TACR3: variants seen among roughly 807,000 people sequenced by gnomAD.
TACR3 encodes the protein neuromedin-K receptor.
A neutral mutation model predicts 35.0 loss-of-function variants in TACR3; 34 were observed. That is an observed-to-expected ratio of 0.97 (90% CI 0.74 to 1.30). The LOEUF (loss-of-function observed/expected upper bound fraction) is 1.30, where lower values mean the gene tolerates loss of function less well. TACR3 is among the 50% of genes most tolerant of loss of function. The pLI, the probability that TACR3 is intolerant of heterozygous loss-of-function variation, is 0.00. For missense variants in TACR3, 558 were observed against 591.7 expected, an observed-to-expected ratio of 0.94 and a Z score of 0.59; for synonymous variants, 233 against 221.1, an observed-to-expected ratio of 1.05 and a Z score of -0.48.
Position 103,719,789 on chromosome 4 carries a change from A to G in TACR3, c.-114T>C, listed in dbSNP as rs1723175106. ...CACTTTGGTGCCGGAGTCTTCAGAT[A>G]AGACTGGAAGCTGAAAGATACTGCA... On this transcript the variant is annotated 5_prime_UTR_variant, in exon 1 of 5. Coordinates refer to ENST00000304883, the MANE Select transcript of TACR3 (RefSeq NM_001059.3). 4.4e-6 allele frequency: 6 copies of G among 1,351,006 alleles called. No individual in the cohort carries two copies. Among genetic ancestry groups the G allele is most frequent in the Middle Eastern group, 1.9e-4 (1 of 5,216 alleles). The allele number at this position is 1,351,006 out of a possible 1,614,324, so 83.7% of individuals were successfully genotyped here.
chr4:103,639,258 C>A (rs1433584229), intron 3 of TACR3, among the ~76,000 whole-genome samples: 1 of 114,716 alleles, frequency 8.7e-6, no homozygotes, highest in Non-Finnish European at 1.7e-5. Flanking sequence ...TACTATGCAG[C>A]CATAAAAAAA....
intron 3 of TACR3, among the ~76,000 whole-genome samples, chr4:103,604,877 T>C (rs1422663615): frequency 2.0e-5 from 3 of 151,362 alleles, no homozygotes; most frequent in Non-Finnish European, 2.9e-5. Flanking sequence ...ATGTGCACAT[T>C]GTGCAGGTTA....
intron 3 of TACR3, among the ~76,000 whole-genome samples, chr4:103,629,644 C>T: frequency 6.6e-6 from 1 of 151,828 alleles, no homozygotes; most frequent in Non-Finnish European, 1.5e-5. Flanking sequence ...TAAAAGAGTA[C>T]ACAAACAAAT....
At chr4:103,699,436 G>C (rs1480497753) in intron 1 of TACR3, among the ~76,000 whole-genome samples, 3 of 152,112 alleles carry the variant, frequency 2.0e-5, no homozygotes, top group Admixed American at 6.5e-5. Flanking sequence ...TCAGTGTAAG[G>C]ACTTCAGTTT....
chr4:103,641,395 G>C (rs989617898), intron 3 of TACR3, among the ~76,000 whole-genome samples: 2 of 151,912 alleles, frequency 1.3e-5, no homozygotes, highest in East Asian at 3.9e-4. Flanking sequence ...TACTAATCAT[G>C]AGGGAAATTC....
intron 3 of TACR3, among the ~76,000 whole-genome samples, chr4:103,650,331 A>C (rs1725561351): frequency 6.6e-6 from 1 of 150,934 alleles, no homozygotes; most frequent in Admixed American, 6.7e-5. Context: ...AGCCTGTTTT[A>C]ATCACCATCT....
intron 3 of TACR3, among the ~76,000 whole-genome samples, chr4:103,613,665 G>A (rs1459231113): frequency 6.6e-6 from 1 of 152,144 alleles, no homozygotes; most frequent in Non-Finnish European, 1.5e-5. Flanking sequence ...AATGAAAATT[G>A]TCTTAGCTTA....
chr4:103,627,268 C>A (rs554520642), intron 3 of TACR3, among the ~76,000 whole-genome samples: 1 of 140,570 alleles, frequency 7.1e-6, no homozygotes, highest in East Asian at 2.1e-4. Flanking sequence ...GTAATCCCAG[C>A]ACTTTGAGAA....
chr4:103,635,922 G>C (rs561114766), intron 3 of TACR3, among the ~76,000 whole-genome samples: 1 of 151,800 alleles, frequency 6.6e-6, no homozygotes, highest in South Asian at 2.1e-4. Context: ...CCTTTCTTTT[G>C]CTTTGTATCA....
At chr4:103,609,450 T>G (rs780767315) in intron 3 of TACR3, among the ~76,000 whole-genome samples, 3 of 152,062 alleles carry the variant, frequency 2.0e-5, no homozygotes, top group Admixed American at 6.6e-5. Context: ...AAAAGTACAT[T>G]TGGTCTTTTA....
chr4:103,719,475 G>T lies in TACR3; in HGVS notation c.201C>A (p.Pro67=). 6.2e-7 allele frequency: 1 copy of T among 1,613,466 alleles called. No homozygotes were observed. The highest frequency in any genetic ancestry group is 2.2e-5 in the East Asian group (1 of 44,864). ...TGGTGAGGTTGGCCCAGGGCTGGGA[G>T]GGCGCGGGGGAAGCCACAGGCAGTC... ...ALGLPVASPA[P]SQPWANLTNQ... The change falls in exon 1 of 5, where the codon CCC becomes CCA. Residue 67 remains proline, a synonymous_variant. Coordinates refer to ENST00000304883, the MANE Select transcript of TACR3 (RefSeq NM_001059.3).
At chr4:103,599,877 T>G (rs1191148884) in intron 3 of TACR3, among the ~76,000 whole-genome samples, 1 of 152,196 alleles carries the variant, frequency 6.6e-6, no homozygotes, top group Non-Finnish European at 1.5e-5. Context: ...TTGAGGATTT[T>G]TGCATCAATG....
At chr4:103,646,913 G>A (rs550053006) in intron 3 of TACR3, among the ~76,000 whole-genome samples, 66 of 151,918 alleles carry the variant, frequency 4.3e-4, no homozygotes, top group Non-Finnish European at 4.4e-4. Flanking sequence ...TTAGGGAACA[G>A]TATGATATAG....
rs752041544 is a variant in TACR3 at position 103,656,273 on chromosome 4, A to G, written c.809T>C (p.Val270Ala). Residue 270 changes from valine to alanine, a missense_variant, in exon 3 of 5, where the codon GTT becomes GCT. Val to Ala is a moderately conservative substitution (Grantham distance 64). Transcript: ENST00000304883. ...LLIMGITYTIVGITLWGGEIP... is the reference protein window; with the variant it reads ...LLIMGITYTIAGITLWGGEIP... ...TTCTCCTCCCCAGAGAGTAATTCCA[A>G]CAATGGTGTATGTAATACCCATGAT... 5.6e-6 allele frequency: 9 copies of G among 1,613,072 alleles called. No individual in the cohort carries two copies. The highest frequency in any genetic ancestry group is 1.3e-5 in the African/African-American group (1 of 74,976).
intron 3 of TACR3, among the ~76,000 whole-genome samples, chr4:103,627,352 T>TAAAAAAAAA (rs869215834): frequency 3.6e-5 from 3 of 82,454 alleles, no homozygotes; most frequent in African/African-American, 1.4e-4. Context: ...GTGTTTCCAT[T>TAAAAAAAAA]AAAAAAAAAA....
At chr4:103,706,542 CA>C (rs900831871) in intron 1 of TACR3, among the ~76,000 whole-genome samples, 1 of 150,384 alleles carries the variant, frequency 6.6e-6, no homozygotes, top group Non-Finnish European at 1.5e-5. Flanking sequence ...CATATATACA[CA>C]GATATATATA....
chr4:103,693,574 C>A (rs1302646684), intron 1 of TACR3, among the ~76,000 whole-genome samples: 3 of 151,882 alleles, frequency 2.0e-5, no homozygotes, highest in Non-Finnish European at 2.9e-5. Flanking sequence ...TCTATGTAAC[C>A]ATTTTATTTT....
chr4:103,664,166 T>G (rs535246177), intron 1 of TACR3, among the ~76,000 whole-genome samples: 6 of 152,316 alleles, frequency 3.9e-5, no homozygotes, highest in African/African-American at 1.4e-4. Flanking sequence ...AAACTAATAG[T>G]TTTAAAGCCA....
intron 3 of TACR3, among the ~76,000 whole-genome samples, chr4:103,629,227 CACAAG>C (rs1296988736): frequency 2.0e-5 from 3 of 152,102 alleles, no homozygotes; most frequent in African/African-American, 7.2e-5. Flanking sequence ...TGAAAACTGG[CACAAG>C]ACAAGGATGC....
Sources: gnomAD v4.1 joint callset for allele counts (sites outside exome capture counted in the v4.1 genomes callset) on GRCh38, gnomAD v4.1.1 for gene constraint, MANE v1.5 for transcripts, NCBI Gene and HGNC (gene_info 2026-07-23, HGNC 2026-07-21) for gene names.